Variants in AFF3 observed in about 807,000 individuals in gnomAD.
The protein encoded by AFF3 is ALF transcription elongation factor 3, also known as AF4/FMR2 family member 3.
Under a neutral mutation model 129.7 loss-of-function variants are expected in AFF3, and 32 were observed. That is an observed-to-expected ratio of 0.25 (90% CI 0.19 to 0.33). The LOEUF (loss-of-function observed/expected upper bound fraction) is 0.33, where lower values mean the gene tolerates loss of function less well. Among genes scored for constraint, AFF3 ranks in the 10% least tolerant of loss-of-function variants. The pLI, the probability that AFF3 is intolerant of heterozygous loss-of-function variation, is 1.00. For missense variants in AFF3, 1,373 were observed against 1,592.0 expected, an observed-to-expected ratio of 0.86 and a Z score of 2.34; for synonymous variants, 644 against 635.4, an observed-to-expected ratio of 1.01 and a Z score of -0.20.
intron 8 of AFF3, among the ~76,000 whole-genome samples, chr2:99,822,120 T>A (rs778871828): frequency 2.0e-5 from 3 of 152,246 alleles, no homozygotes; most frequent in Non-Finnish European, 2.9e-5. Context: ...ACTCGCTGTG[T>A]TAACCTCTCT....
At chr2:99,739,918 C>A (rs1305407148) in intron 10 of AFF3, among the ~76,000 whole-genome samples, 1 of 151,430 alleles carries the variant, frequency 6.6e-6, no homozygotes, top group African/African-American at 2.4e-5. Flanking sequence ...CCCATTAACT[C>A]ATCATTTAAC....
At chr2:100,137,760 G>C (rs1692694956) in intron 1 of AFF3, among the ~76,000 whole-genome samples, 2 of 152,334 alleles carry the variant, frequency 1.3e-5, no homozygotes, top group South Asian at 4.1e-4. Flanking sequence ...TAGGTGAAAG[G>C]AGTGTATCAT....
intron 8 of AFF3, among the ~76,000 whole-genome samples, chr2:99,834,976 C>T (rs532790471): frequency 1.3e-5 from 2 of 152,148 alleles, no homozygotes; most frequent in East Asian, 1.9e-4. Flanking sequence ...ATATGTTGTT[C>T]TATGTTCTCT....
intron 7 of AFF3, among the ~76,000 whole-genome samples, chr2:99,867,140 A>G (rs1691480389): frequency 6.6e-6 from 1 of 152,136 alleles, no homozygotes; most frequent in Admixed American, 6.5e-5. Context: ...AACAAAGACC[A>G]AAAACATTCA....
At chr2:99,726,308 T>A (rs1231329554) in intron 11 of AFF3, among the ~76,000 whole-genome samples, 1 of 152,136 alleles carries the variant, frequency 6.6e-6, no homozygotes, top group Non-Finnish European at 1.5e-5. Flanking sequence ...TTTTTTAAAA[T>A]CCTGATCCCC....
chr2:99,709,196 C>A (rs1211470444), intron 11 of AFF3, among the ~76,000 whole-genome samples: 1 of 152,134 alleles, frequency 6.6e-6, no homozygotes, highest in African/African-American at 2.4e-5. Flanking sequence ...TCAAGGCCAG[C>A]CCAGGCAAAT....
chr2:99,612,570 G>C (rs963656116), intron 13 of AFF3, among the ~76,000 whole-genome samples: 2 of 152,246 alleles, frequency 1.3e-5, no homozygotes, highest in Non-Finnish European at 2.9e-5. Flanking sequence ...CATTCTCTCA[G>C]TATATCTGTG....
rs569114160 is a variant in AFF3, at chr2:99,788,516, C to G, written c.922-36215G>C. 2.6e-5 allele frequency among the ~76,000 whole-genome samples: 4 copies of G among 152,286 alleles called. No homozygotes were observed. The East Asian group carries it at 5.8e-4, about 22-fold the overall frequency. On this transcript the variant is annotated intron_variant, in intron 8 of 24. Coordinates refer to ENST00000672756, the MANE Select transcript of AFF3 (RefSeq NM_001386135.1). ...CTTACAGAATAAGGATGTAAAGAAA[C>G]TATTTTTGAATAGTCGTACAGTGTT...
At chr2:100,020,778 GC>G (rs1430294607) in intron 4 of AFF3, among the ~76,000 whole-genome samples, 3 of 152,280 alleles carry the variant, frequency 2.0e-5, no homozygotes, top group African/African-American at 7.2e-5. Flanking sequence ...GCCACCATGG[GC>G]TCCCTTCCAG....
chr2:99,826,142 G>A (rs1475037566), intron 8 of AFF3, among the ~76,000 whole-genome samples: 1 of 152,044 alleles, frequency 6.6e-6, no homozygotes, highest in Non-Finnish European at 1.5e-5. Flanking sequence ...AGCCTCCTGA[G>A]TAGCTGGGAT....
At chr2:99,691,148 C>T (rs1007303393) in intron 11 of AFF3, among the ~76,000 whole-genome samples, 2 of 152,122 alleles carry the variant, frequency 1.3e-5, no homozygotes, top group African/African-American at 4.8e-5. Flanking sequence ...GGGACTTCCT[C>T]ACCTCCTATC....
chr2:100,012,666 C>T (rs568374668), intron 4 of AFF3, among the ~76,000 whole-genome samples: 15 of 152,296 alleles, frequency 9.8e-5, no homozygotes, highest in Admixed American at 7.2e-4. Context: ...TAGCCCTCTT[C>T]GTCCCCCTGC....
At chr2:99,881,330 C>T (rs180816763) in intron 7 of AFF3, among the ~76,000 whole-genome samples, 66 of 150,644 alleles carry the variant, frequency 4.4e-4, no homozygotes, top group African/African-American at 1.6e-3. Context: ...TCTCCTGCCT[C>T]ATCATTCATC....
intron 4 of AFF3, among the ~76,000 whole-genome samples, chr2:100,053,385 G>A (rs537431155): frequency 2.7e-4 from 41 of 152,304 alleles, no homozygotes; most frequent in Admixed American, 9.1e-4. Context: ...AAAACACATG[G>A]GGGCATTACA....
intron 7 of AFF3, among the ~76,000 whole-genome samples, chr2:99,921,202 A>C (rs1695835246): frequency 2.0e-5 from 3 of 152,150 alleles, no homozygotes; most frequent in Admixed American, 2.0e-4. Context: ...GAGAATGCCA[A>C]CTCTGTAACA....
rs182367123 is a variant in AFF3 at position 99,914,888 on chromosome 2, G to A, written c.874-77364C>T. On this transcript the variant is annotated intron_variant, in intron 7 of 24. Transcript: ENST00000672756. ...ACTGCACTCCAGCCTGGGTGACAGGGCGAGACTCCATCTCAAAAAATAAAT... is the reference window on the plus strand; with the variant it reads ...ACTGCACTCCAGCCTGGGTGACAGGACGAGACTCCATCTCAAAAAATAAAT... Among the ~76,000 whole-genome samples, 1,078 of 152,038 alleles carry A rather than the reference G, an allele frequency of 7.1e-3. 6 individuals are homozygous for A. Among genetic ancestry groups the A allele is most frequent in the Non-Finnish European group, 0.011 (737 of 68,014 alleles).
At chr2:100,056,276 A>G (rs1181174471) in intron 4 of AFF3, among the ~76,000 whole-genome samples, 1 of 152,168 alleles carries the variant, frequency 6.6e-6, no homozygotes, top group Non-Finnish European at 1.5e-5. Context: ...CTAAACAAGA[A>G]AAAGACTTGT....
At chr2:99,872,969 A>T (rs979887184) in intron 7 of AFF3, among the ~76,000 whole-genome samples, 5 of 152,228 alleles carry the variant, frequency 3.3e-5, no homozygotes, top group Non-Finnish European at 7.3e-5. Flanking sequence ...CCTTGAAGTG[A>T]CAAGTTCACT....
At chr2:99,584,174 C>T (rs548964080) in intron 16 of AFF3, among the ~76,000 whole-genome samples, 48 of 151,530 alleles carry the variant, frequency 3.2e-4, no homozygotes, top group Non-Finnish European at 5.7e-4. Context: ...AATATAAAAA[C>T]GGTGAGTAGG....
Sources: gnomAD v4.1 joint callset for allele counts (sites outside exome capture counted in the v4.1 genomes callset) on GRCh38, gnomAD v4.1.1 for gene constraint, MANE v1.5 for transcripts, NCBI Gene and HGNC (gene_info 2026-07-23, HGNC 2026-07-21) for gene names.